TBC1D4: variants seen among roughly 807,000 people sequenced by gnomAD.
TBC1D4 encodes the protein TBC (Tre-2, BUB2, CDC16) domain-containing protein.
In TBC1D4, 121 loss-of-function variants were observed where a neutral mutation model predicts 142.5. That is an observed-to-expected ratio of 0.85 (90% CI 0.73 to 0.99). The LOEUF (loss-of-function observed/expected upper bound fraction) is 0.99. Ranked by LOEUF, TBC1D4 falls within the 50% of genes least tolerant of loss-of-function variation. The pLI, the probability that TBC1D4 is intolerant of heterozygous loss-of-function variation, is 0.00. For missense variants in TBC1D4, 1,475 were observed against 1,606.6 expected (o/e 0.92, Z 1.40); for synonymous variants, 630 against 628.2 (o/e 1.00, Z -0.04).
chr13:75,310,522 G>A (rs955802454), intron 13 of TBC1D4, among the ~76,000 whole-genome samples: 4 of 152,168 alleles, frequency 2.6e-5, no homozygotes, highest in East Asian at 1.9e-4. Context: ...AGTGATCTCC[G>A]AAGGTCTACA....
intron 1 of TBC1D4, among the ~76,000 whole-genome samples, chr13:75,450,721 A>G (rs539207030): frequency 8.9e-4 from 135 of 152,268 alleles, no homozygotes; most frequent in African/African-American, 3.1e-3. Context: ...GTTGAACTCA[A>G]TCTTCAGCCC....
chr13:75,416,561 G>A (rs1254860847), intron 1 of TBC1D4, among the ~76,000 whole-genome samples: 2 of 152,088 alleles, frequency 1.3e-5, no homozygotes, highest in African/African-American at 2.4e-5. Flanking sequence ...CCAGGCATAC[G>A]GAAAGAGCAA....
At chr13:75,341,898 C>G (rs1379419857) in intron 5 of TBC1D4, among the ~76,000 whole-genome samples, 1 of 152,184 alleles carries the variant, frequency 6.6e-6, no homozygotes, top group Non-Finnish European at 1.5e-5. Context: ...TTTTCAGAAA[C>G]TTTTCCTCTA....
intron 9 of TBC1D4, among the ~76,000 whole-genome samples, chr13:75,327,284 T>C (rs924885128): frequency 1.3e-5 from 2 of 152,150 alleles, no homozygotes; most frequent in Non-Finnish European, 2.9e-5. Flanking sequence ...ATAGGCTGCA[T>C]GTGCCTCAGG....
chr13:75,329,454 C>T (rs188561329), intron 8 of TBC1D4, among the ~76,000 whole-genome samples: 7 of 151,418 alleles, frequency 4.6e-5, no homozygotes, highest in Non-Finnish European at 8.8e-5. Flanking sequence ...CTCTCTCCCC[C>T]GCTTGTTTTT....
At chr13:75,320,799 G>A (rs990145614) in intron 11 of TBC1D4, among the ~76,000 whole-genome samples, 16 of 150,760 alleles carry the variant, frequency 1.1e-4, no homozygotes, top group Admixed American at 5.9e-4. Context: ...TGAGGCGGGC[G>A]GATCACGAGG....
rs747292804 is a variant in TBC1D4 at position 75,302,364 on chromosome 13, A to G, written c.2790T>C (p.Phe930=). The G allele has an allele frequency of 6.2e-7, 1 of 1,614,196 alleles. No individual in the cohort carries two copies. The highest frequency in any genetic ancestry group is 8.5e-7 in the Non-Finnish European group (1 of 1,180,022). ...GTCTGAGTCGGTACTGTAAAGCCAGAAACTGCCAAATTTCTCCTCGTCGAC... is the reference window on the plus strand; with the variant it reads ...GTCTGAGTCGGTACTGTAAAGCCAGGAACTGCCAAATTTCTCCTCGTCGAC... ...PKSRRGEIWQ[F]LALQYRLRHR... is the part of the protein sequence containing the mutation. Residue 930 remains phenylalanine, a synonymous_variant, in exon 16 of 21, where the codon TTT becomes TTC. Coordinates refer to ENST00000377636, the MANE Select transcript of TBC1D4 (RefSeq NM_014832.5).
chr13:75,305,157 G>T (rs1486647082), intron 15 of TBC1D4, among the ~76,000 whole-genome samples: 1 of 152,108 alleles, frequency 6.6e-6, no homozygotes, highest in Non-Finnish European at 1.5e-5. Flanking sequence ...ATTCTCTTTT[G>T]TTTGCCTCCA....
At chr13:75,302,703 T>C (rs1051945200) in intron 15 of TBC1D4, 1 of 429,266 alleles carries the variant, frequency 2.3e-6, no homozygotes, top group Non-Finnish European at 4.3e-6. Flanking sequence ...ACTAAGCACA[T>C]GCACTCAGAA....
intron 17 of TBC1D4, among the ~76,000 whole-genome samples, chr13:75,295,502 G>C (rs1203566986): frequency 6.6e-6 from 1 of 152,164 alleles, no homozygotes; most frequent in Non-Finnish European, 1.5e-5. Flanking sequence ...ACTGCTAGGA[G>C]AGAATTAAAG....
intron 1 of TBC1D4, among the ~76,000 whole-genome samples, chr13:75,378,446 G>A (rs1883639069): frequency 1.3e-5 from 2 of 152,066 alleles, no homozygotes; most frequent in Admixed American, 1.3e-4. Flanking sequence ...AACATTAAAT[G>A]GTGTAACAGA....
intron 1 of TBC1D4, among the ~76,000 whole-genome samples, chr13:75,451,283 C>T (rs1486419274): frequency 6.6e-6 from 1 of 151,912 alleles, no homozygotes; most frequent in Non-Finnish European, 1.5e-5. Context: ...ATAAAAGGTG[C>T]TCTATAAAAT....
At chr13:75,323,143 C>T (rs1342520494) in intron 11 of TBC1D4, among the ~76,000 whole-genome samples, 2 of 152,056 alleles carry the variant, frequency 1.3e-5, no homozygotes, top group East Asian at 3.8e-4. Flanking sequence ...TGTACTATGT[C>T]TAAGAGAAAT....
intron 8 of TBC1D4, among the ~76,000 whole-genome samples, chr13:75,331,370 TG>T (rs906952563): frequency 3.3e-5 from 5 of 151,990 alleles, no homozygotes; most frequent in African/African-American, 1.2e-4. Flanking sequence ...CTTGGTGGAA[TG>T]TGACCATGGT....
intron 11 of TBC1D4, among the ~76,000 whole-genome samples, chr13:75,322,082 G>T (rs1878825879): frequency 6.6e-6 from 1 of 152,164 alleles, no homozygotes; most frequent in Admixed American, 6.5e-5. Context: ...TTATTGACTG[G>T]GGTGAAGAGA....
chr13:75,462,851 A>G (rs1206182965), intron 1 of TBC1D4, among the ~76,000 whole-genome samples: 3 of 152,060 alleles, frequency 2.0e-5, no homozygotes, highest in Non-Finnish European at 2.9e-5. Flanking sequence ...AACACCGCTC[A>G]TAATTATGCT....
intron 1 of TBC1D4, among the ~76,000 whole-genome samples, chr13:75,464,923 T>C (rs912681005): frequency 6.6e-6 from 1 of 152,230 alleles, no homozygotes; most frequent in African/African-American, 2.4e-5. Context: ...CTCTTTTTTT[T>C]CCTCATAACA....
intron 1 of TBC1D4, chr13:75,367,085 C>T: frequency 1.6e-6 from 1 of 620,366 alleles, no homozygotes; most frequent in Non-Finnish European, 2.0e-6. Flanking sequence ...AATTATAAAA[C>T]TTCCCAGGAG....
intron 11 of TBC1D4, among the ~76,000 whole-genome samples, chr13:75,323,728 T>G (rs192899311): frequency 6.6e-6 from 1 of 152,314 alleles, no homozygotes; most frequent in East Asian, 1.9e-4. Context: ...ATGCGATTTA[T>G]ATTGAGATCC....
Sources: allele counts gnomAD v4.1 joint callset (sites outside exome capture counted in the v4.1 genomes callset), GRCh38; gene constraint gnomAD v4.1.1; transcripts MANE v1.5; gene names NCBI Gene and HGNC (gene_info 2026-07-23, HGNC 2026-07-21).